The following RPN2 variants were observed in gnomAD, a reference collection of about 807,000 sequenced individuals.
RPN2 encodes ribophorin II.
In RPN2, 29 loss-of-function variants were observed where a neutral mutation model predicts 71.4. The ratio of observed to expected loss-of-function variants is 0.41; its 90% confidence interval spans 0.30 to 0.55. The LOEUF is 0.55. Among genes scored for constraint, RPN2 ranks in the 20% least tolerant of loss-of-function variants. The pLI, the probability that RPN2 is intolerant of heterozygous loss-of-function variation, is 0.35. For missense variants in RPN2, 726 were observed against 774.1 expected, an observed-to-expected ratio of 0.94 and a Z score of 0.74; for synonymous variants, 308 against 305.0, an observed-to-expected ratio of 1.01 and a Z score of -0.10.
At chr20:37,186,733 C>T (rs2067017927) in intron 2 of RPN2, among the ~76,000 whole-genome samples, 1 of 152,238 alleles carries the variant, frequency 6.6e-6, no homozygotes, top group African/African-American at 2.4e-5. Context: ...CTACACATTC[C>T]ATTTTTTGCT....
chr20:37,229,761 A>T (rs1383601875), intron 12 of RPN2: 1 of 604,284 alleles, frequency 1.7e-6, no homozygotes, highest in Non-Finnish European at 2.9e-6. Context: ...AGAAAATTAG[A>T]AGTCTTGCTC....
At chr20:37,190,041 T>G (rs1015380338) in intron 2 of RPN2, among the ~76,000 whole-genome samples, 3 of 152,224 alleles carry the variant, frequency 2.0e-5, no homozygotes, top group Non-Finnish European at 4.4e-5. Flanking sequence ...AATAGTAATG[T>G]TAACCTCTGG....
At chr20:37,224,041 A>G in intron 10 of RPN2, 72 bp downstream of exon 10, 3 of 1,285,910 alleles carry the variant, frequency 2.3e-6, no homozygotes, top group Non-Finnish European at 3.4e-6. Context: ...CTAGGCACTG[A>G]GCCCTGCAGG....
chr20:37,184,199 G>A lies in RPN2; in HGVS notation c.33G>A (p.Leu11=). 6.2e-7 allele frequency: 1 copy of A among 1,614,192 alleles called. No individual in the cohort carries two copies. The highest frequency in any genetic ancestry group is 2.2e-5 in the East Asian group (1 of 44,878). Residue 11 remains leucine, a synonymous_variant, in exon 2 of 17, where the codon CTG becomes CTA. Coordinates refer to ENST00000237530, the MANE Select transcript of RPN2 (RefSeq NM_002951.5). The part of the protein sequence containing the change: MAPPGSSTVF[L]LALTIIASTW... Reference sequence around the variant, plus strand: ...CCCAAGGTTCAAGCACTGTCTTCCTGTTGGCCCTGACAATCATAGCCAGCA... The same window carrying A: ...CCCAAGGTTCAAGCACTGTCTTCCTATTGGCCCTGACAATCATAGCCAGCA...
intron 2 of RPN2, among the ~76,000 whole-genome samples, chr20:37,184,827 T>A (rs557093590): frequency 2.0e-5 from 3 of 152,196 alleles, no homozygotes; most frequent in Admixed American, 6.5e-5. Flanking sequence ...ACAGATCTGT[T>A]TTTGTTTTTG....
chr20:37,195,220 G>C (rs146775284), intron 2 of RPN2, among the ~76,000 whole-genome samples: 1 of 152,294 alleles, frequency 6.6e-6, no homozygotes, highest in East Asian at 1.9e-4. Context: ...GCACTGGGTG[G>C]GCTCACTGAG....
intron 1 of RPN2, chr20:37,179,581 A>AG (rs746953970): frequency 2.9e-5 from 37 of 1,283,066 alleles, no homozygotes; most frequent in Admixed American, 1.2e-4. Flanking sequence ...TGCCTGGGGG[A>AG]GGGGTGCAGC....
At chr20:37,214,107 T>G (rs996109818) in intron 9 of RPN2, among the ~76,000 whole-genome samples, 1 of 152,246 alleles carries the variant, frequency 6.6e-6, no homozygotes, top group African/African-American at 2.4e-5. Flanking sequence ...TCCATTATAA[T>G]TTAGCATTAC....
chr20:37,203,764 G>C, intron 4 of RPN2, 121 bp from the exon 5 acceptor site: 1 of 759,434 alleles, frequency 1.3e-6, no homozygotes, highest in South Asian at 1.5e-5. Context: ...TAAAGGCTGA[G>C]ACCAACTTGT....
At chr20:37,214,919 C>T (rs2067770697) in intron 9 of RPN2, among the ~76,000 whole-genome samples, 1 of 152,066 alleles carries the variant, frequency 6.6e-6, no homozygotes, top group Non-Finnish European at 1.5e-5. Context: ...ATAGTTATTA[C>T]TGTGGTGTTT....
chr20:37,201,915 G>T (rs2067399350), intron 4 of RPN2, among the ~76,000 whole-genome samples: 1 of 152,210 alleles, frequency 6.6e-6, no homozygotes. Flanking sequence ...TCTCATTGTA[G>T]TCTGTCATAA....
At chr20:37,210,023 A>G in intron 7 of RPN2, 24 bp from the exon 8 acceptor site, 1 of 1,612,472 alleles carries the variant, frequency 6.2e-7, no homozygotes, top group Non-Finnish European at 8.5e-7. Flanking sequence ...TTGTTGTAAC[A>G]AATAATTTTT....
At chr20:37,226,016 G>C (rs915542302) in intron 11 of RPN2, among the ~76,000 whole-genome samples, 1 of 152,136 alleles carries the variant, frequency 6.6e-6, no homozygotes, top group Non-Finnish European at 1.5e-5. Flanking sequence ...TTTCTAAAAA[G>C]TTAGCTGGTA....
At chr20:37,238,795 A>G (rs752525716) in intron 16 of RPN2, 1 of 564,376 alleles carries the variant, frequency 1.8e-6, no homozygotes. Flanking sequence ...GATGAGGATA[A>G]GACAAATCCA....
intron 9 of RPN2, among the ~76,000 whole-genome samples, chr20:37,223,249 A>G (rs2068002102): frequency 6.6e-6 from 1 of 152,244 alleles, no homozygotes; most frequent in Non-Finnish European, 1.5e-5. Flanking sequence ...CAGAAGGAGA[A>G]TGAGAAGTAC....
Position 37,199,150 on chromosome 20 carries a change from T to G in RPN2, c.404T>G (p.Phe135Cys). 6.2e-7 allele frequency: 1 copy of G among 1,614,224 alleles called. No homozygotes were observed. Among genetic ancestry groups the G allele is most frequent in the South Asian group, 1.1e-5 (1 of 91,086 alleles). Reference sequence around the variant, plus strand: ...CATGCAGTTGCAGCTCTAAGTGGCTTTGGCCTTCCCTTGGCATCCCAAGAA... The same window carrying G: ...CATGCAGTTGCAGCTCTAAGTGGCTGTGGCCTTCCCTTGGCATCCCAAGAA... ...IYHAVAALSG[F>C]GLPLASQEAL... is the part of the protein sequence containing the mutation. The change falls in exon 4 of 17, where the codon TTT (phenylalanine) becomes TGT (cysteine). Residue 135 changes from phenylalanine (F) to cysteine (C), a missense_variant. Transcript: ENST00000237530.
At position 37,236,597 on chromosome 20, in the gene RPN2, T is replaced by C; in HGVS notation, c.1771T>C (p.Tyr591His). The C allele has an allele frequency of 6.2e-7, 1 of 1,614,160 alleles. No homozygotes were observed. The highest frequency in any genetic ancestry group is 1.3e-5 in the African/African-American group (1 of 75,074). Residue 591 changes from tyrosine to histidine, a missense_variant, in exon 16 of 17, where the codon TAT becomes CAT. By Grantham distance (83) the Tyr-to-His change is moderately conservative. Coordinates refer to ENST00000237530, the MANE Select transcript of RPN2 (RefSeq NM_002951.5). ...TCTTGCAGCTATGCTGGGACTCATG[T>C]ATGTCTACTGGACTCAGCTCAACAT... ...LGHAAMLGLMYVYWTQLNMFQ... is the reference protein window; with the variant it reads ...LGHAAMLGLMHVYWTQLNMFQ...
chr20:37,186,552 A>G (rs1015980526), intron 2 of RPN2, among the ~76,000 whole-genome samples: 6 of 152,206 alleles, frequency 3.9e-5, no homozygotes, highest in African/African-American at 1.4e-4. Flanking sequence ...ACCTCAAGCA[A>G]TCCTCCTGCC....
intron 7 of RPN2, among the ~76,000 whole-genome samples, chr20:37,208,492 G>A (rs546071007): frequency 2.0e-5 from 3 of 152,074 alleles, no homozygotes; most frequent in South Asian, 2.1e-4. Flanking sequence ...CCACTGCAGC[G>A]TAGGCTTCCT....
Sources: allele counts gnomAD v4.1 joint callset (sites outside exome capture counted in the v4.1 genomes callset), GRCh38; gene constraint gnomAD v4.1.1; transcripts MANE v1.5; gene names NCBI Gene and HGNC (gene_info 2026-07-23, HGNC 2026-07-21).